The following LHFPL3 variants were observed in gnomAD, a reference collection of about 807,000 sequenced individuals.
LHFPL3 encodes the protein LHFPL tetraspan subfamily member 3, also known as LHFPL tetraspan subfamily member 3 protein.
LHFPL3 carries 5 observed loss-of-function variants against 19.3 expected under a neutral mutation model. The ratio of observed to expected loss-of-function variants is 0.26; its 90% CI spans 0.14 to 0.54. LHFPL3 has a LOEUF of 0.54. Among genes scored for constraint, LHFPL3 ranks in the 20% least tolerant of loss-of-function variants. LHFPL3 has a pLI of 0.94. For missense variants in LHFPL3, 249 were observed against 307.4 expected (o/e 0.81, Z 1.42); for synonymous variants, 133 against 126.2 (o/e 1.05, Z -0.36).
At chr7:104,396,311 A>G (rs1466839279) in intron 1 of LHFPL3, among the ~76,000 whole-genome samples, 1 of 152,164 alleles carries the variant, frequency 6.6e-6, no homozygotes, top group Non-Finnish European at 1.5e-5. Context: ...AAGGAGGTCA[A>G]AAGGTGAGAA....
intron 1 of LHFPL3, among the ~76,000 whole-genome samples, chr7:104,347,042 C>T (rs1451361821): frequency 9.0e-6 from 1 of 111,152 alleles, no homozygotes; most frequent in African/African-American, 3.4e-5. Flanking sequence ...GCCTCAGTTT[C>T]CTCATCTGTA....
chr7:104,823,562 T>C (rs1220590189), intron 2 of LHFPL3, among the ~76,000 whole-genome samples: 1 of 152,210 alleles, frequency 6.6e-6, no homozygotes, highest in Non-Finnish European at 1.5e-5. Flanking sequence ...GAAAATTGTA[T>C]TTCACAGTTT....
At chr7:104,792,481 C>T (rs1258115469) in intron 2 of LHFPL3, among the ~76,000 whole-genome samples, 1 of 152,186 alleles carries the variant, frequency 6.6e-6, no homozygotes, top group African/African-American at 2.4e-5. Flanking sequence ...CCATCCATGA[C>T]TAAATAGCTT....
At chr7:104,826,790 C>T (rs1790828164) in intron 2 of LHFPL3, 1 of 158,560 alleles carries the variant, frequency 6.3e-6, no homozygotes, top group East Asian at 1.7e-4. Context: ...CTCTCACTGG[C>T]TTCTAGAGCT....
At chr7:104,765,825 CA>C (rs1794448389) in intron 2 of LHFPL3, among the ~76,000 whole-genome samples, 1 of 152,206 alleles carries the variant, frequency 6.6e-6, no homozygotes, top group South Asian at 2.1e-4. Context: ...ATATGCAATG[CA>C]GATGTCTGAT....
chr7:104,401,727 CT>C (rs1457718093), intron 1 of LHFPL3, among the ~76,000 whole-genome samples: 1 of 152,202 alleles, frequency 6.6e-6, no homozygotes, highest in African/African-American at 2.4e-5. Context: ...CATTCATTCT[CT>C]GATTTAGCAG....
chr7:104,440,440 G>T (rs556715323), intron 1 of LHFPL3, among the ~76,000 whole-genome samples: 19 of 151,226 alleles, frequency 1.3e-4, no homozygotes, highest in South Asian at 6.3e-4. Flanking sequence ...GGGAGGGATA[G>T]CATTAGGAGA....
At position 104,790,338 on chromosome 7, in the gene LHFPL3, C is replaced by T. The variant is rs149616164; in HGVS notation, c.682+53427C>T. The stretch of plus-strand genomic sequence containing the variant: ...CCTTTTTCACTCCCCAGGGAGGATT[C>T]ATGCACCCTGCTGCTCTCCCATAGA... On this transcript the variant is annotated intron_variant, in intron 2 of 2. Coordinates refer to ENST00000424859, the MANE Select transcript of LHFPL3 (RefSeq NM_199000.3). Among the ~76,000 whole-genome samples the T allele has an allele frequency of 5.5e-3, 845 of 152,272 alleles. 30 individuals are homozygous for T. The highest frequency in any genetic ancestry group is 0.037 in the Admixed American group (573 of 15,290).
intron 1 of LHFPL3, among the ~76,000 whole-genome samples, chr7:104,699,026 A>T (rs912349247): frequency 3.3e-5 from 5 of 152,220 alleles, no homozygotes; most frequent in Non-Finnish European, 4.4e-5. Context: ...ATTATTTTTT[A>T]AAATGGAAAA....
chr7:104,596,753 G>T (rs1207967699), intron 1 of LHFPL3, among the ~76,000 whole-genome samples: 5 of 152,202 alleles, frequency 3.3e-5, no homozygotes, highest in Admixed American at 1.3e-4. Context: ...ACATTCCTCA[G>T]CTTGGCCAGC....
rs549831258 is a variant in LHFPL3 at position 104,730,251 on chromosome 7, T to G, written c.446-6424T>G. Among the ~76,000 whole-genome samples the G allele has an allele frequency of 5.9e-5, 9 of 152,316 alleles. No individual in the cohort carries two copies. In the South Asian group the frequency reaches 1.9e-3, roughly 32 times the overall value. ...GCAGCATGATTTATATTCCTTTGGG[T>G]ATATACCCAGTAATGGGATGGCTGG... On this transcript the variant is annotated intron_variant, in intron 1 of 2. Transcript: ENST00000424859.
At chr7:104,396,840 T>G (rs1384549150) in intron 1 of LHFPL3, among the ~76,000 whole-genome samples, 1 of 151,776 alleles carries the variant, frequency 6.6e-6, no homozygotes, top group Non-Finnish European at 1.5e-5. Context: ...CGTGATGGCC[T>G]GCGTCTGTGG....
chr7:104,750,500 C>T (rs971833258), intron 2 of LHFPL3, among the ~76,000 whole-genome samples: 12 of 152,324 alleles, frequency 7.9e-5, no homozygotes, highest in Non-Finnish European at 1.6e-4. Context: ...AATTGAATTT[C>T]GCCTTTATAG....
At chr7:104,860,183 CA>C (rs1305418138) in intron 2 of LHFPL3, among the ~76,000 whole-genome samples, 42 of 141,916 alleles carry the variant, frequency 3.0e-4, no homozygotes, top group African/African-American at 6.8e-4. Flanking sequence ...CCCACCCACA[CA>C]CACACACACA....
At chr7:104,479,554 G>C (rs772989519) in intron 1 of LHFPL3, among the ~76,000 whole-genome samples, 2 of 152,064 alleles carry the variant, frequency 1.3e-5, no homozygotes, top group Non-Finnish European at 2.9e-5. Context: ...ACCATGCCTG[G>C]CTAATTTTTG....
chr7:104,329,362 G>C (rs1402233593), intron 1 of LHFPL3, 138 bp downstream of exon 1: 3 of 1,163,452 alleles, frequency 2.6e-6, no homozygotes, highest in Admixed American at 3.1e-5. Flanking sequence ...CGAGGTGTGG[G>C]GGGCGGGAGC....
chr7:104,514,390 A>G (rs756033762), intron 1 of LHFPL3, among the ~76,000 whole-genome samples: 7 of 152,084 alleles, frequency 4.6e-5, no homozygotes, highest in Admixed American at 4.6e-4. Context: ...TATCTCTCCC[A>G]CTGGACTATA....
chr7:104,600,194 A>G (rs1157647769), intron 1 of LHFPL3, among the ~76,000 whole-genome samples: 1 of 152,258 alleles, frequency 6.6e-6, no homozygotes, highest in African/African-American at 2.4e-5. Flanking sequence ...GTGAACTCAT[A>G]GTAGCAGAAT....
chr7:104,737,685 G>GT (rs1793855371), intron 2 of LHFPL3, among the ~76,000 whole-genome samples: 1 of 152,008 alleles, frequency 6.6e-6, no homozygotes, highest in African/African-American at 2.4e-5. Flanking sequence ...TGGTGTCTCT[G>GT]TTTTTTTAGT....
Sources: allele counts gnomAD v4.1 joint callset (sites outside exome capture counted in the v4.1 genomes callset), GRCh38; gene constraint gnomAD v4.1.1; transcripts MANE v1.5; gene names NCBI Gene and HGNC (gene_info 2026-07-23, HGNC 2026-07-21).